Variants in MLIP observed in about 807,000 individuals in gnomAD.
MLIP encodes the protein muscular LMNA interacting protein.
Under a neutral mutation model 84.8 loss-of-function variants are expected in MLIP, and 79 were observed. The observed-to-expected ratio is 0.93, with a 90% CI of 0.78 to 1.12. The LOEUF (loss-of-function observed/expected upper bound fraction) is 1.12. Ranked by LOEUF, MLIP falls within the 50% of genes most tolerant of loss-of-function variation. The pLI is 0.00. For missense variants in MLIP, 1,257 were observed against 1,160.6 expected, an observed-to-expected ratio of 1.08 and a Z score of -1.21; for synonymous variants, 504 against 463.0, an observed-to-expected ratio of 1.09 and a Z score of -1.14.
At chr6:54,157,242 C>G (rs1582317275) in intron 5 of MLIP, among the ~76,000 whole-genome samples, 1 of 152,194 alleles carries the variant, frequency 6.6e-6, no homozygotes, top group Non-Finnish European at 1.5e-5. Flanking sequence ...ATAATTTTCT[C>G]TATAGTAGAG....
intron 1 of MLIP, among the ~76,000 whole-genome samples, chr6:54,028,190 C>T (rs1763927897): frequency 6.6e-6 from 1 of 152,200 alleles, no homozygotes; most frequent in East Asian, 1.9e-4. Flanking sequence ...TTATTTATAA[C>T]CTAAAAATTT....
chr6:54,213,707 CAAAAAAAAAA>C (rs1219772069), intron 11 of MLIP, among the ~76,000 whole-genome samples: 159 of 8,480 alleles, frequency 0.019, 5 homozygotes, highest in African/African-American at 0.065. Context: ...GACTTTGTCT[CAAAAAAAAAA>C]AAAAAAAAAA....
chr6:54,141,601 C>T (rs1772316097), intron 4 of MLIP, among the ~76,000 whole-genome samples: 1 of 152,188 alleles, frequency 6.6e-6, no homozygotes, highest in Non-Finnish European at 1.5e-5. Context: ...GCCACCATGC[C>T]TGGCCTACTT....
intron 12 of MLIP, among the ~76,000 whole-genome samples, chr6:54,241,435 T>C (rs1781730341): frequency 6.6e-6 from 1 of 152,112 alleles, no homozygotes; most frequent in Admixed American, 6.5e-5. Flanking sequence ...GTGCTTGTAA[T>C]GTTTACAATT....
intron 10 of MLIP, among the ~76,000 whole-genome samples, chr6:54,197,330 A>G (rs1778367378): frequency 6.6e-6 from 1 of 152,084 alleles, no homozygotes; most frequent in African/African-American, 2.4e-5. Flanking sequence ...TGATTTATTC[A>G]ACAGGATTGT....
intron 1 of MLIP, among the ~76,000 whole-genome samples, chr6:54,080,749 A>G (rs1767089570): frequency 6.7e-6 from 1 of 148,548 alleles, no homozygotes. Context: ...TCTATAAAAT[A>G]CACTATATAA....
chr6:54,049,051 C>T (rs954435735), intron 1 of MLIP, among the ~76,000 whole-genome samples: 1 of 152,074 alleles, frequency 6.6e-6, no homozygotes, highest in Non-Finnish European at 1.5e-5. Flanking sequence ...ATGTTACAAA[C>T]AAGATTTGTT....
intron 1 of MLIP, among the ~76,000 whole-genome samples, chr6:54,055,473 C>G (rs1353774597): frequency 6.6e-6 from 1 of 151,956 alleles, no homozygotes; most frequent in Non-Finnish European, 1.5e-5. Context: ...TTACCTAGTC[C>G]TCTCTTATTG....
intron 1 of MLIP, among the ~76,000 whole-genome samples, chr6:54,038,774 C>T (rs1051015197): frequency 2.0e-5 from 3 of 151,862 alleles, no homozygotes; most frequent in African/African-American, 4.8e-5. Context: ...TTATATATCG[C>T]TTTCTTTTGT....
chr6:54,204,909 A>G (rs928065283), intron 11 of MLIP, among the ~76,000 whole-genome samples: 3 of 152,218 alleles, frequency 2.0e-5, no homozygotes, highest in Admixed American at 2.0e-4. Context: ...AATGTGGAAC[A>G]TGAGAAGTAA....
chr6:54,090,301 T>G (rs902005281), intron 1 of MLIP, among the ~76,000 whole-genome samples: 1 of 152,124 alleles, frequency 6.6e-6, no homozygotes, highest in African/African-American at 2.4e-5. Flanking sequence ...AGCTATCTTA[T>G]TAGGATGTCT....
chr6:54,063,654 T>A (rs916419156), intron 1 of MLIP, among the ~76,000 whole-genome samples: 4 of 150,998 alleles, frequency 2.6e-5, no homozygotes, highest in Non-Finnish European at 5.9e-5. Flanking sequence ...TTCTAAAAAG[T>A]CTAAGCTTTT....
At chr6:54,057,277 G>T (rs1765716280) in intron 1 of MLIP, among the ~76,000 whole-genome samples, 1 of 152,034 alleles carries the variant, frequency 6.6e-6, no homozygotes. Context: ...TGGGAGGTTG[G>T]GACTATAATT....
chr6:54,054,603 T>C (rs1765547889), intron 1 of MLIP, among the ~76,000 whole-genome samples: 1 of 152,140 alleles, frequency 6.6e-6, no homozygotes. Flanking sequence ...AAAGCAATAA[T>C]AGTCAATATT....
At chr6:54,123,157 G>C (rs1456261091) in intron 2 of MLIP, among the ~76,000 whole-genome samples, 1 of 148,546 alleles carries the variant, frequency 6.7e-6, no homozygotes, top group Non-Finnish European at 1.5e-5. Flanking sequence ...GGATGATCTC[G>C]ATCTCCTGAC....
chr6:54,039,312 G>A (rs1366309051), intron 1 of MLIP, among the ~76,000 whole-genome samples: 2 of 151,896 alleles, frequency 1.3e-5, no homozygotes, highest in Non-Finnish European at 2.9e-5. Context: ...AAATCACTCT[G>A]GGAGTTGCCA....
chr6:54,229,015 C>T (rs1168648514), intron 11 of MLIP, among the ~76,000 whole-genome samples: 2 of 152,218 alleles, frequency 1.3e-5, no homozygotes, highest in Non-Finnish European at 2.9e-5. Flanking sequence ...ATTAAAGCTA[C>T]CCACTGACAT....
chr6:54,241,835 A>G (rs1157978695), intron 12 of MLIP, among the ~76,000 whole-genome samples: 1 of 152,114 alleles, frequency 6.6e-6, no homozygotes, highest in Non-Finnish European at 1.5e-5. Context: ...AAAAAGGGGG[A>G]TGAGAGTGAG....
At chr6:54,222,001 T>G (rs1253808126) in intron 11 of MLIP, among the ~76,000 whole-genome samples, 1 of 152,074 alleles carries the variant, frequency 6.6e-6, no homozygotes, top group Non-Finnish European at 1.5e-5. Flanking sequence ...TTCATGAAAC[T>G]TTATCAAAGA....
Sources: allele counts gnomAD v4.1 joint callset (sites outside exome capture counted in the v4.1 genomes callset), GRCh38; gene constraint gnomAD v4.1.1; transcripts MANE v1.5; gene names NCBI Gene and HGNC (gene_info 2026-07-23, HGNC 2026-07-21).